Variants in CHCHD3 observed in about 807,000 individuals in gnomAD.
CHCHD3 encodes the protein coiled-coil-helix-coiled-coil-helix domain containing 3.
A neutral mutation model predicts 38.2 loss-of-function variants in CHCHD3; 20 were observed. That is an observed-to-expected ratio of 0.52 (90% confidence interval 0.37 to 0.76). The LOEUF (loss-of-function observed/expected upper bound fraction) is 0.76, where lower values mean the gene tolerates loss of function less well. Ranked by LOEUF, CHCHD3 falls within the 30% of genes least tolerant of loss-of-function variation. The probability of loss-of-function intolerance (pLI) is 0.00; values close to 1 mark genes in which losing one functional copy is unlikely to be tolerated. For synonymous variants in CHCHD3, 82 were observed against 100.0 expected (o/e 0.82, Z 1.07); for missense variants, 245 against 279.2 (o/e 0.88, Z 0.87).
At chr7:132,913,859 G>T (rs533307861) in intron 4 of CHCHD3, among the ~76,000 whole-genome samples, 2 of 152,252 alleles carry the variant, frequency 1.3e-5, no homozygotes, top group South Asian at 4.2e-4. Context: ...ACACTGTTAG[G>T]CAGCAAATCC....
chr7:132,895,503 T>C (rs1809471445), intron 4 of CHCHD3, among the ~76,000 whole-genome samples: 1 of 152,234 alleles, frequency 6.6e-6, no homozygotes, highest in South Asian at 2.1e-4. Flanking sequence ...GGTGATATGG[T>C]TTGGCTGTGT....
intron 4 of CHCHD3, among the ~76,000 whole-genome samples, chr7:132,969,067 TG>T (rs1289033883): frequency 6.6e-6 from 1 of 152,132 alleles, no homozygotes; most frequent in Non-Finnish European, 1.5e-5. Flanking sequence ...AAAGGCAAAC[TG>T]GGGATGAAAA....
chr7:132,814,235 T>C (rs529621353), intron 6 of CHCHD3, among the ~76,000 whole-genome samples: 2 of 151,196 alleles, frequency 1.3e-5, no homozygotes, highest in South Asian at 2.1e-4. Flanking sequence ...TTTAAGGTCA[T>C]ACATGTTATT....
At chr7:132,898,986 C>T (rs1399971894) in intron 4 of CHCHD3, among the ~76,000 whole-genome samples, 1 of 152,194 alleles carries the variant, frequency 6.6e-6, no homozygotes, top group Non-Finnish European at 1.5e-5. Context: ...CTCGCGCCTC[C>T]CCCTCCACAC....
chr7:133,067,346 CT>C (rs1207226304), intron 2 of CHCHD3, among the ~76,000 whole-genome samples: 5 of 152,120 alleles, frequency 3.3e-5, no homozygotes, highest in Non-Finnish European at 5.9e-5. Flanking sequence ...TATCATCATT[CT>C]TTTTTTAACA....
intron 5 of CHCHD3, among the ~76,000 whole-genome samples, chr7:132,846,452 C>T (rs1808079075): frequency 6.6e-6 from 1 of 152,230 alleles, no homozygotes; most frequent in Admixed American, 6.5e-5. Flanking sequence ...TTTTAAGCCA[C>T]TAAGTTTGTG....
At chr7:133,030,048 C>T (rs143114284) in intron 2 of CHCHD3, among the ~76,000 whole-genome samples, 1 of 151,044 alleles carries the variant, frequency 6.6e-6, no homozygotes, top group Non-Finnish European at 1.5e-5. Context: ...GGGTCAAGTC[C>T]AAGGTCACAA....
At chr7:132,917,876 A>AAC (rs924560927) in intron 4 of CHCHD3, among the ~76,000 whole-genome samples, 2 of 151,436 alleles carry the variant, frequency 1.3e-5, no homozygotes, top group African/African-American at 4.9e-5. Context: ...AAAAAAAAAA[A>AAC]ACCTTTCCTA....
intron 5 of CHCHD3, among the ~76,000 whole-genome samples, chr7:132,883,488 A>AAATCAGGCCCCT (rs1352638133): frequency 3.2e-4 from 49 of 152,318 alleles, no homozygotes; most frequent in African/African-American, 1.2e-3. Flanking sequence ...AGTTCTGCCC[A>AAATCAGGCCCCT]CTACAACGAG....
intron 5 of CHCHD3, among the ~76,000 whole-genome samples, chr7:132,882,459 TTCTATATATA>T (rs1809086215): frequency 1.1e-5 from 1 of 88,124 alleles, no homozygotes; most frequent in African/African-American, 4.3e-5. Context: ...AAACAATATA[TTCTATATATA>T]TATATATATA....
At position 132,909,992 on chromosome 7, in the gene CHCHD3, C is replaced by G. The variant is rs185019308; in HGVS notation, c.370-24247G>C. Among the ~76,000 whole-genome samples, 16 of 152,322 alleles carry G rather than the reference C, an allele frequency of 1.1e-4. No homozygotes were observed. The East Asian group carries it at 2.5e-3, about 24-fold the overall frequency. ...GAAAAACTGGTACCAAGCATACACA[C>G]TTGACCCTTGAAACATGGATTTGAA... On this transcript the variant is annotated intron_variant, in intron 4 of 7. Transcript: ENST00000262570.
At chr7:132,960,638 A>G (rs566426981) in intron 4 of CHCHD3, among the ~76,000 whole-genome samples, 1 of 152,130 alleles carries the variant, frequency 6.6e-6, no homozygotes, top group African/African-American at 2.4e-5. Flanking sequence ...GGAGAAAAAC[A>G]ACGTCAGAAA....
At chr7:132,833,791 C>T (rs1221407588) in intron 6 of CHCHD3, among the ~76,000 whole-genome samples, 4 of 152,194 alleles carry the variant, frequency 2.6e-5, no homozygotes, top group Non-Finnish European at 5.9e-5. Flanking sequence ...TGGTAGGTTA[C>T]ATTAATATGC....
At chr7:133,051,672 T>C (rs1814171378) in intron 2 of CHCHD3, among the ~76,000 whole-genome samples, 2 of 152,222 alleles carry the variant, frequency 1.3e-5, no homozygotes, top group African/African-American at 4.8e-5. Flanking sequence ...CATTTAGAGA[T>C]AAAATTGCAT....
At chr7:132,793,609 A>C (rs1233408233) in intron 7 of CHCHD3, among the ~76,000 whole-genome samples, 1 of 152,170 alleles carries the variant, frequency 6.6e-6, no homozygotes, top group South Asian at 2.1e-4. Flanking sequence ...AATATCCGGA[A>C]ATTTTCCTAA....
chr7:132,916,532 T>C (rs563727189), intron 4 of CHCHD3, among the ~76,000 whole-genome samples: 1 of 152,314 alleles, frequency 6.6e-6, no homozygotes, highest in South Asian at 2.1e-4. Flanking sequence ...TATTATAGTA[T>C]ATTGTTATAA....
intron 1 of CHCHD3, 135 bp downstream of exon 1, chr7:133,081,722 C>T (rs1442391816): frequency 1.2e-5 from 10 of 818,654 alleles, no homozygotes; most frequent in Non-Finnish European, 1.8e-5. Context: ...AGGCTTCTTC[C>T]CAGACACCTG....
chr7:132,858,383 T>C (rs1049605122), intron 5 of CHCHD3, among the ~76,000 whole-genome samples: 2 of 152,194 alleles, frequency 1.3e-5, no homozygotes, highest in African/African-American at 4.8e-5. Context: ...CTTTTCTCTT[T>C]AGTTTCACTT....
rs572818592 is a variant in CHCHD3, at chr7:133,005,690, C to T, written c.251+18856G>A. On this transcript the variant is annotated intron_variant, in intron 3 of 7. Coordinates refer to ENST00000262570, the MANE Select transcript of CHCHD3 (RefSeq NM_017812.4). ...TCCTTCAAAAAAATGAAGGAATGGT[C>T]AAATTCAATAATCAACAAGTATTTA... Among the ~76,000 whole-genome samples the T allele has an allele frequency of 1.1e-4, 16 of 152,190 alleles. No homozygotes were observed. In the South Asian group the frequency reaches 2.1e-3, roughly 20 times the overall value.
Sources: allele counts gnomAD v4.1 joint callset (sites outside exome capture counted in the v4.1 genomes callset), GRCh38; gene constraint gnomAD v4.1.1; transcripts MANE v1.5; gene names NCBI Gene and HGNC (gene_info 2026-07-23, HGNC 2026-07-21).